The following BORCS5 variants were observed in gnomAD, a reference collection of about 807,000 sequenced individuals.
BORCS5 encodes the protein BLOC-1-related complex subunit 5.
BORCS5 carries 17 observed loss-of-function variants against 22.1 expected under a neutral mutation model. The observed-to-expected ratio is 0.77, with a 90% CI of 0.53 to 1.15. The LOEUF is 1.15. BORCS5 is among the 50% of genes most tolerant of loss of function. BORCS5 has a pLI of 0.00. For synonymous variants in BORCS5, 117 were observed against 99.8 expected (o/e 1.17, Z -1.03); for missense variants, 247 against 253.2 (o/e 0.98, Z 0.17).
intron 3 of BORCS5, chr12:12,452,420 G>A (rs1297691520): frequency 3.6e-6 from 2 of 552,414 alleles, no homozygotes; most frequent in South Asian, 1.4e-5. Context: ...AAATCCATAG[G>A]GCTGGTAGAA....
chr12:12,357,461 G>C lies in BORCS5; in HGVS notation c.10G>C (p.Glu4Gln). The change falls in exon 1 of 4, where the codon GAG (glutamate) becomes CAG (glutamine). Residue 4 changes from glutamate to glutamine, a missense_variant. Physicochemically the swap from Glu to Gln is conservative, Grantham distance 29. Transcript: ENST00000314565. ...CACCGCTGTCGGCACCATGGGCAGT[G>C]AGCAGAGCTCCGAGGCCGAGAGCCG... The part of the protein sequence containing the change: MGS[E>Q]QSSEAESRPN... 1 of 1,611,252 alleles carries C rather than the reference G, an allele frequency of 6.2e-7. No individual in the cohort carries two copies. The highest frequency in any genetic ancestry group is 8.5e-7 in the Non-Finnish European group (1 of 1,177,772).
chr12:12,414,426 CG>C (rs1177770673), intron 2 of BORCS5, among the ~76,000 whole-genome samples: 2 of 103,722 alleles, frequency 1.9e-5, no homozygotes, highest in South Asian at 5.6e-4. Flanking sequence ...GCTGGCCGGG[CG>C]GGGGGCTGAC....
intron 2 of BORCS5, among the ~76,000 whole-genome samples, chr12:12,384,733 T>C (rs1268101831): frequency 6.6e-6 from 1 of 151,228 alleles, no homozygotes; most frequent in African/African-American, 2.4e-5. Context: ...CACTTTATTA[T>C]CTCTCAGATT....
At chr12:12,443,655 G>T (rs969055010) in intron 3 of BORCS5, among the ~76,000 whole-genome samples, 8 of 152,248 alleles carry the variant, frequency 5.3e-5, no homozygotes, top group Non-Finnish European at 8.8e-5. Context: ...ATGTAGGCTT[G>T]TGTTTTTTGG....
intron 3 of BORCS5, among the ~76,000 whole-genome samples, chr12:12,462,998 G>A (rs1435022677): frequency 1.3e-5 from 2 of 152,100 alleles, no homozygotes; most frequent in Admixed American, 1.3e-4. Context: ...AACCCTAGGT[G>A]ATATCATAAC....
intron 2 of BORCS5, among the ~76,000 whole-genome samples, chr12:12,376,197 CG>C (rs1353573537): frequency 1.3e-5 from 2 of 150,700 alleles, no homozygotes; most frequent in Non-Finnish European, 2.9e-5. Context: ...GCAGGATTTT[CG>C]GAACAGGTGA....
At chr12:12,380,433 T>G (rs1863751884) in intron 2 of BORCS5, among the ~76,000 whole-genome samples, 1 of 151,452 alleles carries the variant, frequency 6.6e-6, no homozygotes, top group South Asian at 2.1e-4. Flanking sequence ...TATTTCCAGT[T>G]TGCAGTTAAT....
chr12:12,370,423 G>A (rs1227632661), intron 2 of BORCS5, among the ~76,000 whole-genome samples: 1 of 152,090 alleles, frequency 6.6e-6, no homozygotes, highest in African/African-American at 2.4e-5. Flanking sequence ...GACATATTGT[G>A]AGACTCCATG....
At chr12:12,381,012 T>TA (rs1491334138) in intron 2 of BORCS5, among the ~76,000 whole-genome samples, 1 of 104,214 alleles carries the variant, frequency 9.6e-6, no homozygotes, top group Non-Finnish European at 1.6e-5. Context: ...TTTTGGGGGA[T>TA]TTTTTTTTTT....
chr12:12,419,664 G>A (rs966230287), intron 2 of BORCS5, among the ~76,000 whole-genome samples: 1 of 152,192 alleles, frequency 6.6e-6, no homozygotes, highest in African/African-American at 2.4e-5. Context: ...CCCACCAACG[G>A]TGTAAAAGTG....
At chr12:12,362,445 G>A (rs1042264865) in intron 2 of BORCS5, among the ~76,000 whole-genome samples, 1 of 151,986 alleles carries the variant, frequency 6.6e-6, no homozygotes, top group Admixed American at 6.6e-5. Flanking sequence ...TTAAGTTTTA[G>A]TGTACATGTG....
intron 3 of BORCS5, among the ~76,000 whole-genome samples, chr12:12,451,615 GGCTCAC>G (rs1448683831): frequency 9.2e-5 from 14 of 152,220 alleles, no homozygotes; most frequent in African/African-American, 3.4e-4. Flanking sequence ...TGGGCGCAGT[GGCTCAC>G]GCCTCTAATC....
rs761386606 is a variant in BORCS5 at position 12,357,310 on chromosome 12, C to T, written c.-142C>T. The stretch of plus-strand genomic sequence containing the variant: ...AGGCCCCTGCGTGGGCTGGACGCGT[C>T]AGCCCCACACATTAGCCTCGCTGCG... On this transcript the variant is annotated 5_prime_UTR_variant, in exon 1 of 4. Coordinates refer to ENST00000314565, the MANE Select transcript of BORCS5 (RefSeq NM_058169.6). 111 of 1,463,952 alleles carry T rather than the reference C, an allele frequency of 7.6e-5. No homozygotes were observed. Among genetic ancestry groups the T allele is most frequent in the Non-Finnish European group, 9.2e-5 (102 of 1,104,552 alleles). The allele number at this position is 1,463,952 out of a possible 1,614,324, so 90.7% of individuals were successfully genotyped here.
intron 3 of BORCS5, among the ~76,000 whole-genome samples, chr12:12,455,798 G>A (rs1251930722): frequency 6.7e-6 from 1 of 149,138 alleles, no homozygotes; most frequent in Non-Finnish European, 1.5e-5. Context: ...AAAAAAAGCA[G>A]TCTTGATTAA....
chr12:12,423,911 A>T (rs895866906), intron 2 of BORCS5, among the ~76,000 whole-genome samples: 3 of 152,118 alleles, frequency 2.0e-5, no homozygotes, highest in Admixed American at 6.5e-5. Flanking sequence ...GCTGGTGTCA[A>T]ACTCCTGACC....
chr12:12,435,953 T>A, intron 3 of BORCS5, 168 bp downstream of exon 3: 1 of 617,312 alleles, frequency 1.6e-6, no homozygotes, highest in Non-Finnish European at 2.7e-6. Context: ...TGGGCTAATT[T>A]AGAGTTTGAA....
intron 2 of BORCS5, among the ~76,000 whole-genome samples, chr12:12,412,638 A>T (rs1941765895): frequency 6.6e-6 from 1 of 152,154 alleles, no homozygotes; most frequent in Admixed American, 6.5e-5. Flanking sequence ...TGCTCTTGAC[A>T]GAACTTCCAT....
chr12:12,371,474 T>C lies in BORCS5; in HGVS notation c.202+10125T>C, dbSNP rs552850647. Among the ~76,000 whole-genome samples the C allele has an allele frequency of 5.9e-5, 9 of 152,224 alleles. No individual in the cohort carries two copies. In the East Asian group the frequency reaches 7.7e-4, roughly 13 times the overall value. Reference sequence around the variant, plus strand: ...GCCCAACTAATCTTTTTGTATTTTTTGTAGAGATGGGGTTTCCCAATGTTG... The same window carrying C: ...GCCCAACTAATCTTTTTGTATTTTTCGTAGAGATGGGGTTTCCCAATGTTG... On this transcript the variant is annotated intron_variant, in intron 2 of 3. Transcript: ENST00000314565.
At chr12:12,438,385 A>AAAAAAAAAATACAC (rs1555156048) in intron 3 of BORCS5, among the ~76,000 whole-genome samples, 1 of 126,112 alleles carries the variant, frequency 7.9e-6, no homozygotes, top group African/African-American at 3.3e-5. Context: ...AAAAAACGAA[A>AAAAAAAAAATACAC]AACAACAACA....
Sources: allele counts gnomAD v4.1 joint callset (sites outside exome capture counted in the v4.1 genomes callset), GRCh38; gene constraint gnomAD v4.1.1; transcripts MANE v1.5; gene names NCBI Gene and HGNC (gene_info 2026-07-23, HGNC 2026-07-21).